The following RBFOX3 variants were observed in gnomAD, a reference collection of about 807,000 sequenced individuals.
The protein encoded by RBFOX3 is RNA binding protein fox-1 homolog 3.
In RBFOX3, 17 loss-of-function variants were observed where a neutral mutation model predicts 48.7. The observed-to-expected ratio is 0.35, with a 90% CI of 0.24 to 0.52. RBFOX3 has a LOEUF of 0.52. Ranked by LOEUF, RBFOX3 falls within the 20% of genes least tolerant of loss-of-function variation. The probability of loss-of-function intolerance (pLI) is 0.94; values close to 1 mark genes in which losing one functional copy is unlikely to be tolerated. For missense variants in RBFOX3, 382 were observed against 497.5 expected (o/e 0.77, Z 2.21); for synonymous variants, 212 against 209.5 (o/e 1.01, Z -0.10).
At chr17:79,521,695 A>G (rs900549420) in intron 1 of RBFOX3, among the ~76,000 whole-genome samples, 7,330 of 152,054 alleles carry the variant, frequency 0.048, 297 homozygotes, top group African/African-American at 0.11. Flanking sequence ...ACTCATACTC[A>G]CACACGGAGA....
In RBFOX3 at chr17:79,330,944, G is replaced by A. The variant is rs72849083; in HGVS notation, c.-174-23120C>T. Among the ~76,000 whole-genome samples, 18 of 152,284 alleles carry A rather than the reference G, an allele frequency of 1.2e-4. No individual in the cohort carries two copies. In the South Asian group the frequency reaches 1.7e-3, roughly 14 times the overall value. ...TGTGTTCTGACACACACTGGGTCTC[G>A]GATCCTTGTGTCATTTCACTCTATG... On this transcript the variant is annotated intron_variant, in intron 2 of 14. Transcript: ENST00000693108.
chr17:79,556,386 G>A (rs1406193241), intron 1 of RBFOX3, among the ~76,000 whole-genome samples: 5 of 152,142 alleles, frequency 3.3e-5, no homozygotes, highest in Admixed American at 2.0e-4. Flanking sequence ...TGCCCGTGTG[G>A]CTCCGTAAAG....
At chr17:79,655,689 G>A in the RBFOX3 span, among the ~76,000 whole-genome samples, 1 of 152,172 alleles carries the variant, frequency 6.6e-6, no homozygotes, top group Admixed American at 6.5e-5. Context: ...AGACTCTTAT[G>A]AGGTAGAAAG....
At chr17:79,306,057 G>A (rs968656241) in intron 3 of RBFOX3, among the ~76,000 whole-genome samples, 3 of 152,228 alleles carry the variant, frequency 2.0e-5, no homozygotes, top group Non-Finnish European at 4.4e-5. Context: ...TATGTCCAGC[G>A]GGTGAAAGCC....
chr17:79,590,444 C>T (rs2093384088), intron 1 of RBFOX3, among the ~76,000 whole-genome samples: 1 of 152,216 alleles, frequency 6.6e-6, no homozygotes. Context: ...CACAAAAAAG[C>T]TTCCAAAAAT....
At chr17:79,301,799 G>C (rs1345862875) in intron 3 of RBFOX3, among the ~76,000 whole-genome samples, 1 of 152,186 alleles carries the variant, frequency 6.6e-6, no homozygotes, top group East Asian at 1.9e-4. Flanking sequence ...CCTGACACAG[G>C]CCACAATGTG....
At chr17:79,113,869 G>A (rs1226963536) in intron 5 of RBFOX3, among the ~76,000 whole-genome samples, 2 of 148,966 alleles carry the variant, frequency 1.3e-5, no homozygotes, top group African/African-American at 2.4e-5. Flanking sequence ...TCTGCCGAGT[G>A]AAGGAAGACT....
In RBFOX3 at chr17:79,470,724, C is replaced by T. The variant is rs112765346; in HGVS notation, c.-175+11730G>A. Among the ~76,000 whole-genome samples, 1,024 of 152,294 alleles carry T rather than the reference C, an allele frequency of 6.7e-3. 14 individuals carry two copies. Among genetic ancestry groups the T allele is most frequent in the African/African-American group, 0.023 (969 of 41,540 alleles). On this transcript the variant is annotated intron_variant, in intron 2 of 14. Transcript: ENST00000693108. Reference sequence around the variant, plus strand: ...GGGAACTATTACTGTCAGGTTATAGCCAGCACAAGCATATTGTGGATTCAA... The same window carrying T: ...GGGAACTATTACTGTCAGGTTATAGTCAGCACAAGCATATTGTGGATTCAA...
chr17:79,537,208 C>T (rs1196361676), intron 1 of RBFOX3, among the ~76,000 whole-genome samples: 3 of 152,178 alleles, frequency 2.0e-5, no homozygotes, highest in Admixed American at 2.0e-4. Flanking sequence ...GCGCTCCCTC[C>T]AGATTCTAAG....
Position 79,390,299 on chromosome 17 carries a change from G to A in RBFOX3, c.-174-82475C>T, listed in dbSNP as rs1173805705. 2.0e-5 allele frequency among the ~76,000 whole-genome samples: 3 copies of A among 152,158 alleles called. No individual in the cohort carries two copies. Among genetic ancestry groups the A allele is most frequent in the South Asian group, 2.1e-4 (1 of 4,824 alleles). On this transcript the variant is annotated intron_variant, in intron 2 of 14. Transcript: ENST00000693108. This position sits in a 1 kb window ranked among gnomAD's most constrained non-coding sequence, Gnocchi z 4.2. ...TTTAGCTGGCAGACACCAGCATCCC[G>A]GGGGGACTTCTTAGACTCCACTCTG... is the stretch of plus-strand genomic sequence containing the variant.
At chr17:79,236,391 C>T (rs1382422069) in intron 3 of RBFOX3, among the ~76,000 whole-genome samples, 7 of 151,998 alleles carry the variant, frequency 4.6e-5, no homozygotes, top group Non-Finnish European at 7.4e-5. Context: ...TGGGTTCGAG[C>T]GATTCTTGTG....
intron 1 of RBFOX3, among the ~76,000 whole-genome samples, chr17:79,510,709 G>A (rs1052210639): frequency 3.3e-5 from 5 of 152,178 alleles, no homozygotes; most frequent in East Asian, 1.9e-4. Context: ...CTACGAGCGG[G>A]TGATTAATGG....
At chr17:79,185,643 G>A (rs904874860) in intron 4 of RBFOX3, among the ~76,000 whole-genome samples, 1 of 152,104 alleles carries the variant, frequency 6.6e-6, no homozygotes, top group African/African-American at 2.4e-5. Flanking sequence ...CGAAACCCAG[G>A]CTCCAGATCC....
intron 4 of RBFOX3, among the ~76,000 whole-genome samples, chr17:79,148,415 G>T (rs1282148252): frequency 6.6e-6 from 1 of 152,208 alleles, no homozygotes; most frequent in Non-Finnish European, 1.5e-5. Context: ...GACAGAAGTT[G>T]GGGGGTGGAA....
chr17:79,158,141 T>C (rs2046231615), intron 4 of RBFOX3, among the ~76,000 whole-genome samples: 1 of 152,050 alleles, frequency 6.6e-6, no homozygotes, highest in Non-Finnish European at 1.5e-5. Context: ...CAGACGACCA[T>C]GTGAGGACAC....
intron 3 of RBFOX3, among the ~76,000 whole-genome samples, chr17:79,237,650 C>T (rs1267484335): frequency 1.3e-5 from 2 of 152,220 alleles, no homozygotes; most frequent in Non-Finnish European, 2.9e-5. Context: ...ACTTCATAGG[C>T]GGGCCCCTCC....
rs1160112632 is a variant in RBFOX3 at position 79,220,428 on chromosome 17, C to T, written c.-34+15338G>A. Among the ~76,000 whole-genome samples the T allele has an allele frequency of 6.6e-6, 1 of 152,188 alleles. No individual in the cohort carries two copies. ...TCCCTCTCCCTGTGTCTCTGCCTCT[C>T]GCTTTATTTCCCCAGGTTGCTCAGC... On this transcript the variant is annotated intron_variant, in intron 4 of 14. Coordinates refer to ENST00000693108, the MANE Select transcript of RBFOX3 (RefSeq NM_001350451.2). This position sits in a 1 kb window ranked among gnomAD's most constrained non-coding sequence, Gnocchi z 5.9.
In RBFOX3 at chr17:79,480,836, C is replaced by A. The variant is rs376923649; in HGVS notation, c.-175+1618G>T. Among the ~76,000 whole-genome samples, 399 of 152,314 alleles carry A rather than the reference C, an allele frequency of 2.6e-3. 8 individuals are homozygous for A. The South Asian group carries it at 0.039, about 15-fold the overall frequency. On this transcript the variant is annotated intron_variant, in intron 2 of 14. Transcript: ENST00000693108. This position sits in a 1 kb window ranked among gnomAD's most constrained non-coding sequence, Gnocchi z 4.8. ...TAATGCACTGCATTTATCTTCACAG[C>A]GTTATGGCGCCTGACATACATTTAT...
chr17:79,091,044 G>C (rs2073788989), intron 14 of RBFOX3, among the ~76,000 whole-genome samples, 159 bp from the exon 15 acceptor site: 1 of 152,230 alleles, frequency 6.6e-6, no homozygotes, highest in Admixed American at 6.5e-5. Context: ...CCAGGGCTGA[G>C]TGTGGGTGGA....
Sources: gnomAD v4.1 joint callset for allele counts (sites outside exome capture counted in the v4.1 genomes callset) on GRCh38, gnomAD v4.1.1 for gene constraint, Gnocchi (gnomAD v3.1) non-coding constraint, MANE v1.5 for transcripts, NCBI Gene and HGNC (gene_info 2026-07-23, HGNC 2026-07-21) for gene names.